Variants in BANK1 observed in about 807,000 individuals in gnomAD.
BANK1 encodes B cell scaffold protein with ankyrin repeats 1.
A neutral mutation model predicts 94.5 loss-of-function variants in BANK1; 95 were observed. The observed-to-expected ratio is 1.00, with a 90% CI of 0.85 to 1.19. The LOEUF (loss-of-function observed/expected upper bound fraction) is 1.19, where lower values mean the gene tolerates loss of function less well. Ranked by LOEUF, BANK1 falls within the 50% of genes most tolerant of loss-of-function variation. The pLI is 0.00. For synonymous variants in BANK1, 334 were observed against 308.4 expected (o/e 1.08, Z -0.87); for missense variants, 987 against 932.2 (o/e 1.06, Z -0.77).
At position 102,043,882 on chromosome 4, in the gene BANK1, G is replaced by A; in HGVS notation, c.1944G>A (p.Lys648=). ...CCAGAAGACAATCTGATGATGACAA[G>A]TTCTGTGGTCTTCCTAAGAAACAAG... ...KTARRQSDDD[K]FCGLPKKQDR... Residue 648 remains lysine (K), a synonymous_variant, in exon 11 of 17, where the codon AAG becomes AAA. Coordinates refer to ENST00000322953, the MANE Select transcript of BANK1 (RefSeq NM_017935.5). 1.2e-6 allele frequency: 2 copies of A among 1,602,726 alleles called. No individual in the cohort carries two copies. The highest frequency in any genetic ancestry group is 1.7e-6 in the Non-Finnish European group (2 of 1,171,000).
intron 6 of BANK1, among the ~76,000 whole-genome samples, chr4:101,909,573 G>T (rs751346205): frequency 2.0e-5 from 3 of 152,126 alleles, no homozygotes; most frequent in Non-Finnish European, 4.4e-5. Flanking sequence ...CCTTTAAGCG[G>T]TTTTCTCCCC....
At chr4:101,808,936 T>C (rs1011890402) in intron 1 of BANK1, among the ~76,000 whole-genome samples, 1 of 152,180 alleles carries the variant, frequency 6.6e-6, no homozygotes, top group Non-Finnish European at 1.5e-5. Flanking sequence ...GAAAACAGTA[T>C]GGAGAGTCCT....
At chr4:102,066,139 C>A (rs1282098889) in intron 13 of BANK1, among the ~76,000 whole-genome samples, 2 of 151,398 alleles carry the variant, frequency 1.3e-5, no homozygotes, top group Non-Finnish European at 2.9e-5. Flanking sequence ...CTACTTTAAG[C>A]CAAGGTAAAA....
At chr4:101,867,869 G>T (rs1728135457) in intron 4 of BANK1, among the ~76,000 whole-genome samples, 1 of 151,776 alleles carries the variant, frequency 6.6e-6, no homozygotes, top group South Asian at 2.1e-4. Flanking sequence ...GAGCAGAAAA[G>T]GTTGGGGTAG....
intron 4 of BANK1, among the ~76,000 whole-genome samples, chr4:101,868,567 T>G (rs1280157496): frequency 6.6e-6 from 1 of 151,934 alleles, no homozygotes; most frequent in Admixed American, 6.6e-5. Context: ...TGACCTGTAT[T>G]TGTGTGTACT....
At chr4:101,882,184 C>G (rs1490595436) in intron 5 of BANK1, among the ~76,000 whole-genome samples, 6 of 151,630 alleles carry the variant, frequency 4.0e-5, no homozygotes, top group Admixed American at 2.6e-4. Context: ...CTCATGTCCC[C>G]CATAAATATA....
intron 7 of BANK1, among the ~76,000 whole-genome samples, chr4:101,976,575 G>C (rs148823076): frequency 5.4e-4 from 82 of 152,144 alleles, no homozygotes; most frequent in African/African-American, 1.8e-3. Flanking sequence ...GGAAATTTTG[G>C]ATAATAAAGA....
chr4:101,877,401 T>C (rs1027926883), intron 5 of BANK1, among the ~76,000 whole-genome samples: 20 of 152,160 alleles, frequency 1.3e-4, no homozygotes, highest in Non-Finnish European at 2.2e-4. Flanking sequence ...ACTGTAAGTG[T>C]GGTGTGTAAA....
chr4:101,887,097 C>G (rs75443008), intron 5 of BANK1, among the ~76,000 whole-genome samples: 6 of 152,172 alleles, frequency 3.9e-5, no homozygotes, highest in Admixed American at 6.5e-5. Flanking sequence ...GAGTCATGCT[C>G]TCTCCCTCAC....
At chr4:102,061,338 C>T (rs1452706354) in intron 12 of BANK1, 1 of 152,208 alleles carries the variant, frequency 6.6e-6, no homozygotes, top group African/African-American at 2.4e-5. Context: ...TAGAAACCAC[C>T]TGTCTCTAAG....
rs560325730 is a variant in BANK1 at position 101,878,745 on chromosome 4, T to C, written c.903+8101T>C. On this transcript the variant is annotated intron_variant, in intron 5 of 16. Transcript: ENST00000322953. ...GAGCAGTCAAAAATTTGAGATAGTA[T>C]CAAACATTTTCTCTGACCACAATGG... 8.5e-5 allele frequency among the ~76,000 whole-genome samples: 13 copies of C among 152,254 alleles called. No individual in the cohort carries two copies. The South Asian group carries it at 2.5e-3, about 29-fold the overall frequency.
chr4:101,960,248 T>G (rs971793676), intron 7 of BANK1, among the ~76,000 whole-genome samples: 1 of 152,102 alleles, frequency 6.6e-6, no homozygotes, highest in African/African-American at 2.4e-5. Context: ...GGAAAATGGA[T>G]GAAAAAGGTT....
chr4:101,860,347 T>A (rs1032535306), intron 3 of BANK1, among the ~76,000 whole-genome samples: 1 of 152,048 alleles, frequency 6.6e-6, no homozygotes, highest in Non-Finnish European at 1.5e-5. Flanking sequence ...AGTGCCTCAT[T>A]TGGGGTGGTC....
Position 102,025,328 on chromosome 4 carries a change from C to A in BANK1, c.1413C>A (p.Ser471Arg), listed in dbSNP as rs527554924. ...QNGSGMETKH[S>R]PLEVGSESSE... ...GATCAGGCATGGAGACCAAACACAG[C>A]CCACTAGAGGTTGGCAGTGAGAGTT... Residue 471 changes from serine to arginine, a missense_variant, in exon 9 of 17, where the codon AGC becomes AGA. By Grantham distance (110) the Ser-to-Arg change is moderately radical. Transcript: ENST00000322953. 32 of 1,614,058 alleles carry A rather than the reference C, an allele frequency of 2.0e-5. No individual in the cohort carries two copies. The South Asian group carries it at 3.1e-4, about 16-fold the overall frequency.
At chr4:101,795,420 GT>G (rs1281907456) in intron 1 of BANK1, among the ~76,000 whole-genome samples, 7 of 150,904 alleles carry the variant, frequency 4.6e-5, no homozygotes, top group Admixed American at 3.3e-4. Flanking sequence ...AAGTCACCAT[GT>G]TTTTTTTTCT....
intron 1 of BANK1, among the ~76,000 whole-genome samples, chr4:101,828,265 T>C (rs907958338): frequency 5.9e-5 from 9 of 151,836 alleles, no homozygotes; most frequent in Non-Finnish European, 1.2e-4. Context: ...ATACATGTGA[T>C]AATGTTACAA....
intron 7 of BANK1, among the ~76,000 whole-genome samples, chr4:101,983,888 G>A (rs187312243): frequency 1.3e-5 from 2 of 152,010 alleles, no homozygotes; most frequent in African/African-American, 4.8e-5. Context: ...TAATGCTTTG[G>A]CAAGGGCATA....
At chr4:101,979,891 C>G (rs1316409509) in intron 7 of BANK1, among the ~76,000 whole-genome samples, 2 of 151,712 alleles carry the variant, frequency 1.3e-5, no homozygotes, top group African/African-American at 4.8e-5. Flanking sequence ...TCTGACTTCT[C>G]TTAGTATTAC....
At chr4:101,930,997 A>G (rs974734181) in intron 7 of BANK1, among the ~76,000 whole-genome samples, 6 of 151,550 alleles carry the variant, frequency 4.0e-5, no homozygotes, top group Admixed American at 4.0e-4. Flanking sequence ...GGACTAAAGC[A>G]CCTCTCAGAA....
Sources: gnomAD v4.1 joint callset for allele counts (sites outside exome capture counted in the v4.1 genomes callset) on GRCh38, gnomAD v4.1.1 for gene constraint, MANE v1.5 for transcripts, NCBI Gene and HGNC (gene_info 2026-07-23, HGNC 2026-07-21) for gene names.